Variants in KCNN2 observed in about 807,000 individuals in gnomAD.
KCNN2 encodes the protein small conductance calcium-activated potassium channel protein 2.
Under a neutral mutation model 55.5 loss-of-function variants are expected in KCNN2, and 24 were observed. The ratio of observed to expected loss-of-function variants is 0.43; its 90% CI spans 0.31 to 0.61. The LOEUF (loss-of-function observed/expected upper bound fraction) is 0.61, where lower values mean the gene tolerates loss of function less well. KCNN2 is among the 20% of genes least tolerant of loss of function. The probability of loss-of-function intolerance (pLI) is 0.08; values close to 1 mark genes in which losing one functional copy is unlikely to be tolerated. For synonymous variants in KCNN2, 431 were observed against 336.1 expected (o/e 1.28, Z -3.09); for missense variants, 754 against 853.6 (o/e 0.88, Z 1.45).
intron 5 of KCNN2, chr5:114,486,628 C>A: frequency 1.4e-6 from 1 of 703,304 alleles, no homozygotes; most frequent in Non-Finnish European, 2.1e-6. Flanking sequence ...TAGTGCACAG[C>A]CAGAAATACC....
chr5:114,438,174 C>T (rs542036633), intron 3 of KCNN2, among the ~76,000 whole-genome samples: 17 of 152,198 alleles, frequency 1.1e-4, no homozygotes, highest in South Asian at 2.1e-4. Flanking sequence ...CATTTCTGAG[C>T]GTAGTGATTC....
intron 6 of KCNN2, among the ~76,000 whole-genome samples, chr5:114,487,487 A>AT (rs1251837932): frequency 1.3e-5 from 2 of 152,234 alleles, no homozygotes; most frequent in African/African-American, 4.8e-5. Context: ...TTGCTCTAGG[A>AT]TTTTTTCAGC....
At chr5:114,386,137 G>A (rs956638193) in intron 2 of KCNN2, among the ~76,000 whole-genome samples, 16 of 149,684 alleles carry the variant, frequency 1.1e-4, no homozygotes, top group Non-Finnish European at 2.1e-4. Context: ...AGCCGAGGTC[G>A]TGCCACTGCA....
chr5:114,359,973 A>G (rs1757372587), upstream of KCNN2, among the ~76,000 whole-genome samples: 2 of 152,172 alleles, frequency 1.3e-5, no homozygotes, highest in Admixed American at 1.3e-4. Context: ...TGCCCCGAAG[A>G]CTCAATTAGC....
chr5:114,070,939 C>G (rs1750555621), intron 1 of KCNN2, among the ~76,000 whole-genome samples: 1 of 152,142 alleles, frequency 6.6e-6, no homozygotes, highest in Non-Finnish European at 1.5e-5. Context: ...TCACAATTTT[C>G]AACATATTCG....
chr5:114,328,918 A>G (rs1756757732), intron 2 of KCNN2, among the ~76,000 whole-genome samples: 1 of 152,180 alleles, frequency 6.6e-6, no homozygotes, highest in Non-Finnish European at 1.5e-5. Flanking sequence ...AAAAGTGTGT[A>G]TAGTGTGTAT....
At chr5:114,436,263 T>A (rs1760000439) in intron 3 of KCNN2, among the ~76,000 whole-genome samples, 1 of 152,220 alleles carries the variant, frequency 6.6e-6, no homozygotes. Context: ...TTTGAAGTAT[T>A]TTTTAAGTTT....
At chr5:114,412,527 G>A (rs1486436539) in intron 3 of KCNN2, among the ~76,000 whole-genome samples, 1 of 152,142 alleles carries the variant, frequency 6.6e-6, no homozygotes, top group Non-Finnish European at 1.5e-5. Context: ...TAAGCCAGTT[G>A]TCATGGAGGA....
At chr5:114,188,762 G>A (rs1437119184) in intron 1 of KCNN2, among the ~76,000 whole-genome samples, 1 of 152,052 alleles carries the variant, frequency 6.6e-6, no homozygotes, top group African/African-American at 2.4e-5. Context: ...AATTGTACAA[G>A]TTCATCATGT....
chr5:114,216,615 G>T (rs981813803), intron 1 of KCNN2, among the ~76,000 whole-genome samples: 282 of 152,164 alleles, frequency 1.9e-3, no homozygotes, highest in African/African-American at 6.6e-3. Flanking sequence ...CAGCAAACTG[G>T]TAATAGAGAG....
At chr5:114,162,135 A>G (rs1386494900) in intron 1 of KCNN2, among the ~76,000 whole-genome samples, 1 of 152,050 alleles carries the variant, frequency 6.6e-6, no homozygotes, top group Non-Finnish European at 1.5e-5. Context: ...TTGTGGTTTT[A>G]TCTACCTTTG....
In KCNN2 at chr5:114,202,339, A is replaced by C. The variant is rs79892057; in HGVS notation, c.-270-19141A>C. On this transcript the variant is annotated intron_variant, in intron 1 of 10. Coordinates refer to the KCNN2 transcript ENST00000512097. Reference sequence around the variant, plus strand: ...CCCATTTTTAATTTTAATCATTTTCAACATAAGACTTTACCTATATTTACT... The same window carrying C: ...CCCATTTTTAATTTTAATCATTTTCCACATAAGACTTTACCTATATTTACT... 5.4e-3 allele frequency among the ~76,000 whole-genome samples: 819 copies of C among 152,026 alleles called. 5 individuals carry two copies. The highest frequency in any genetic ancestry group is 0.019 in the African/African-American group (776 of 41,468).
chr5:114,391,894 A>G (rs1163762215), intron 2 of KCNN2, among the ~76,000 whole-genome samples: 2 of 152,042 alleles, frequency 1.3e-5, no homozygotes, highest in Admixed American at 6.6e-5. Context: ...TCTGTTTTTC[A>G]TGGTCAGAGG....
At chr5:114,273,312 T>C (rs1313716115) in intron 2 of KCNN2, among the ~76,000 whole-genome samples, 2 of 152,238 alleles carry the variant, frequency 1.3e-5, no homozygotes, top group African/African-American at 4.8e-5. Context: ...GTCTTTGCTA[T>C]CGTGACTAAT....
At chr5:114,279,606 C>A (rs1194892470) in intron 2 of KCNN2, among the ~76,000 whole-genome samples, 1 of 152,162 alleles carries the variant, frequency 6.6e-6, no homozygotes, top group Non-Finnish European at 1.5e-5. Context: ...TAGCTTCATC[C>A]ATGTCCCTGC....
At chr5:114,229,363 C>T (rs1754308676) in intron 2 of KCNN2, among the ~76,000 whole-genome samples, 1 of 151,584 alleles carries the variant, frequency 6.6e-6, no homozygotes, top group African/African-American at 2.4e-5. Context: ...TATTCAGATA[C>T]AATAATTATA....
At chr5:114,285,849 A>G (rs1464707928) in intron 2 of KCNN2, among the ~76,000 whole-genome samples, 1 of 152,110 alleles carries the variant, frequency 6.6e-6, no homozygotes, top group Non-Finnish European at 1.5e-5. Flanking sequence ...AGAGAGATAT[A>G]AAGAATTAGC....
chr5:114,083,288 T>G (rs756261151), intron 1 of KCNN2, among the ~76,000 whole-genome samples: 1 of 152,074 alleles, frequency 6.6e-6, no homozygotes, highest in Non-Finnish European at 1.5e-5. Context: ...CCTTTCTACT[T>G]AATTCATGTT....
chr5:114,171,852 T>G (rs1338453299), intron 1 of KCNN2, among the ~76,000 whole-genome samples: 1 of 151,862 alleles, frequency 6.6e-6, no homozygotes, highest in East Asian at 1.9e-4. Context: ...CATGTCTTTG[T>G]GACTTTGCAC....
Sources: allele counts gnomAD v4.1 joint callset (sites outside exome capture counted in the v4.1 genomes callset), GRCh38; gene constraint gnomAD v4.1.1; transcripts MANE v1.5; gene names NCBI Gene and HGNC (gene_info 2026-07-23, HGNC 2026-07-21).